IKZF2: variants seen among roughly 807,000 people sequenced by gnomAD.
IKZF2 encodes zinc finger protein Helios.
IKZF2 carries 15 observed loss-of-function variants against 49.2 expected under a neutral mutation model. That is an observed-to-expected ratio of 0.30 (90% CI 0.20 to 0.47). The LOEUF is 0.47. IKZF2 is among the 20% of genes least tolerant of loss of function. The probability of loss-of-function intolerance (pLI) is 1.00; values close to 1 mark genes in which losing one functional copy is unlikely to be tolerated. For synonymous variants in IKZF2, 227 were observed against 221.4 expected, an observed-to-expected ratio of 1.03 and a Z score of -0.23; for missense variants, 567 against 664.6, an observed-to-expected ratio of 0.85 and a Z score of 1.61.
chr2:213,011,370 G>A (rs1038916581), intron 8 of IKZF2, among the ~76,000 whole-genome samples: 12 of 151,950 alleles, frequency 7.9e-5, no homozygotes, highest in African/African-American at 2.9e-4. Flanking sequence ...GGTTAAAAAT[G>A]TAAGTGAGAA....
intron 4 of IKZF2, among the ~76,000 whole-genome samples, chr2:213,059,553 T>C (rs1235175341): frequency 6.6e-6 from 1 of 151,548 alleles, no homozygotes; most frequent in Non-Finnish European, 1.5e-5. Context: ...AGAAAGAAAA[T>C]CACTGAAAAG....
At chr2:213,150,437 T>C in intron 1 of IKZF2, 190 bp from the exon 2 acceptor site, 1 of 194,514 alleles carries the variant, frequency 5.1e-6, no homozygotes, top group Non-Finnish European at 9.5e-6. Flanking sequence ...AACCAAGAAA[T>C]GAGAGAGAAG....
chr2:213,151,993 C>G (rs2061297422), upstream of IKZF2: 1 of 151,936 alleles, frequency 6.6e-6, no homozygotes, highest in Non-Finnish European at 1.5e-5. Context: ...CCCACCCGCG[C>G]GCCCGGCCGC....
chr2:213,013,662 T>C, intron 8 of IKZF2, 129 bp downstream of exon 8: 1 of 798,812 alleles, frequency 1.3e-6, no homozygotes, highest in Non-Finnish European at 2.0e-6. Context: ...TAAAAAAGAA[T>C]AATGAAGAAA....
upstream of IKZF2, among the ~76,000 whole-genome samples, chr2:213,151,776 G>T (rs1201543664): frequency 6.8e-6 from 1 of 146,664 alleles, no homozygotes; most frequent in African/African-American, 2.4e-5. Context: ...AGCCCCGGGC[G>T]CGGGCGAGCG....
At position 213,058,040 on chromosome 2, in the gene IKZF2, G is replaced by T. The variant is rs190436890; in HGVS notation, c.140-941C>A. On this transcript the variant is annotated intron_variant, in intron 4 of 8. Transcript: ENST00000434687. ...AGTAATATAGAAAATTTCTTAAGAAGTCATATCAAAGTTACTAAGCAAAAC... is the reference window on the plus strand; with the variant it reads ...AGTAATATAGAAAATTTCTTAAGAATTCATATCAAAGTTACTAAGCAAAAC... Among the ~76,000 whole-genome samples, 31 of 152,228 alleles carry T rather than the reference G, an allele frequency of 2.0e-4. 1 individual carries two copies. The Middle Eastern group carries it at 0.021, about 101-fold the overall frequency.
intron 4 of IKZF2, among the ~76,000 whole-genome samples, chr2:213,116,363 G>T (rs1016864935): frequency 5.9e-5 from 9 of 152,266 alleles, no homozygotes; most frequent in African/African-American, 1.7e-4. Context: ...AATCTAAACA[G>T]ATATACTTTG....
At chr2:213,146,284 AT>A (rs2061055223) in intron 4 of IKZF2, among the ~76,000 whole-genome samples, 1 of 152,082 alleles carries the variant, frequency 6.6e-6, no homozygotes, top group South Asian at 2.1e-4. Context: ...GTCATAGTAT[AT>A]TTTTTATCAA....
intron 8 of IKZF2, among the ~76,000 whole-genome samples, chr2:213,009,564 G>A (rs1445548453): frequency 1.3e-5 from 2 of 152,002 alleles, no homozygotes; most frequent in Non-Finnish European, 2.9e-5. Flanking sequence ...TAACAAAAAT[G>A]GAAACACAAA....
chr2:213,130,330 A>G (rs78661899), intron 4 of IKZF2, among the ~76,000 whole-genome samples: 6,125 of 152,302 alleles, frequency 0.04, 242 homozygotes, highest in African/African-American at 0.11. Flanking sequence ...AGCATTTTAG[A>G]GCAATAAATG....
At chr2:213,152,388 G>C (rs879372996), upstream of IKZF2, 14 of 152,332 alleles carry the variant, frequency 9.2e-5, no homozygotes, top group Admixed American at 8.5e-4. Flanking sequence ...AGCGGGATAA[G>C]AGGGGTCCTG....
At chr2:213,055,321 T>C (rs997820682) in intron 5 of IKZF2, among the ~76,000 whole-genome samples, 2 of 152,124 alleles carry the variant, frequency 1.3e-5, no homozygotes, top group Admixed American at 1.3e-4. Context: ...TATTTTATAG[T>C]CTTTTCCCTT....
intron 4 of IKZF2, among the ~76,000 whole-genome samples, chr2:213,111,560 A>AT (rs1290803381): frequency 1.3e-5 from 2 of 152,198 alleles, no homozygotes; most frequent in Admixed American, 1.3e-4. Context: ...TTATAATCTT[A>AT]TTTTTTATTA....
Position 213,007,382 on chromosome 2 carries a change from C to T in IKZF2, c.1559G>A (p.Arg520Gln), listed in dbSNP as rs1487594941. Residue 520 changes from arginine (R) to glutamine (Q), a missense_variant, in exon 9 of 9, where the codon CGA (arginine) becomes CAA (glutamine). By Grantham distance (43) the Arg-to-Gln change is conservative. Coordinates refer to ENST00000434687, the MANE Select transcript of IKZF2 (RefSeq NM_001387220.1). ...GGCCTAGTGGAATGTGTGCTCCCCT[C>T]GAACAATGTGTGATGAAAACTCATA... ...DRYEFSSHIV[R>Q]GEHTFH The T allele has an allele frequency of 1.2e-6, 2 of 1,613,160 alleles. No homozygotes were observed. Among genetic ancestry groups the T allele is most frequent in the African/African-American group, 1.3e-5 (1 of 74,860 alleles).
chr2:213,071,721 C>G (rs1280718078), intron 4 of IKZF2, among the ~76,000 whole-genome samples: 2 of 152,008 alleles, frequency 1.3e-5, no homozygotes, highest in Non-Finnish European at 2.9e-5. Flanking sequence ...GACTTGTAGC[C>G]CTACCATATA....
chr2:213,148,136 T>C (rs1212788134), intron 3 of IKZF2, among the ~76,000 whole-genome samples: 1 of 152,226 alleles, frequency 6.6e-6, no homozygotes, highest in Non-Finnish European at 1.5e-5. Context: ...ACAGAATTTA[T>C]AATGAGCATT....
chr2:213,128,314 C>A (rs1032453525), intron 4 of IKZF2, among the ~76,000 whole-genome samples: 4 of 152,132 alleles, frequency 2.6e-5, no homozygotes, highest in Non-Finnish European at 5.9e-5. Context: ...GCAATTGTTA[C>A]ATTTATTTCT....
intron 4 of IKZF2, among the ~76,000 whole-genome samples, chr2:213,142,885 T>C (rs2060922422): frequency 6.6e-6 from 1 of 151,996 alleles, no homozygotes; most frequent in Non-Finnish European, 1.5e-5. Context: ...TCTCTCGCTC[T>C]AGTGGTGATT....
At position 213,007,598 on chromosome 2, in the gene IKZF2, T is replaced by C; in HGVS notation, c.1343A>G (p.Lys448Arg). ...KEDVKALDTT[K>R]APKGSLKDIY... ...GTCCTTCAGAGAGCCCTTAGGAGCC[T>C]TGGTAGTATCCAAAGCTTTGACATC... is the stretch of plus-strand genomic sequence containing the variant. Residue 448 changes from lysine (K) to arginine (R), a missense_variant, in exon 9 of 9, where the codon AAG becomes AGG. By Grantham distance (26) the Lys-to-Arg change is conservative. This residue lies in a region of IKZF2 where 310 missense variants were observed against 326.9 expected (regional missense o/e 0.95). Transcript: ENST00000434687. 4 of 1,613,718 alleles carry C rather than the reference T, an allele frequency of 2.5e-6. No individual in the cohort carries two copies. The highest frequency in any genetic ancestry group is 3.4e-6 in the Non-Finnish European group (4 of 1,179,734).
Sources: gnomAD v4.1 joint callset for allele counts (sites outside exome capture counted in the v4.1 genomes callset) on GRCh38, gnomAD v4.1.1 for gene constraint, gnomAD v4.1.1 regional missense constraint, MANE v1.5 for transcripts, NCBI Gene and HGNC (gene_info 2026-07-23, HGNC 2026-07-21) for gene names.